GAS7: variants seen among roughly 807,000 people sequenced by gnomAD.
GAS7 encodes the protein growth arrest-specific protein 7.
In GAS7, 28 loss-of-function variants were observed where a neutral mutation model predicts 71.1. The observed-to-expected ratio is 0.39, with a 90% CI of 0.29 to 0.54. The LOEUF is 0.54. Among genes scored for constraint, GAS7 ranks in the 20% least tolerant of loss-of-function variants. GAS7 has a pLI of 0.62. For missense variants in GAS7, 436 were observed against 627.8 expected (o/e 0.69, Z 3.27); for synonymous variants, 258 against 245.8 (o/e 1.05, Z -0.46).
intron 1 of GAS7, among the ~76,000 whole-genome samples, chr17:10,136,638 C>T (rs1024541602): frequency 7.9e-5 from 12 of 152,268 alleles, no homozygotes; most frequent in African/African-American, 2.4e-4. Context: ...CGCATCTGTC[C>T]GTCTGCCTCA....
At chr17:10,022,740 C>T (rs1332089592) in intron 1 of GAS7, among the ~76,000 whole-genome samples, 3 of 152,192 alleles carry the variant, frequency 2.0e-5, no homozygotes, top group South Asian at 2.1e-4. Flanking sequence ...TCACACAGTC[C>T]GTCTACGGCG....
At chr17:10,101,439 T>C (rs540867887) in intron 1 of GAS7, among the ~76,000 whole-genome samples, 1 of 152,236 alleles carries the variant, frequency 6.6e-6, no homozygotes, top group Non-Finnish European at 1.5e-5. Context: ...GTCATATCTA[T>C]TGTTAGAAGC....
At position 9,919,966 on chromosome 17, in the gene GAS7, A is replaced by G. The variant is rs1353600802; in HGVS notation, c.1139-261T>C. ...CCAAGGATTCAGGATGGTGGTTCTC[A>G]TTTTGTGTGTGTGTGTGTGTGTGTG... On this transcript the variant is annotated intron_variant, in intron 11 of 13. Coordinates refer to ENST00000432992, the MANE Select transcript of GAS7 (RefSeq NM_201433.2). The surrounding 1 kb of genome is among the most constrained non-coding windows in gnomAD (Gnocchi z 5.0). Among the ~76,000 whole-genome samples the G allele has an allele frequency of 2.1e-5, 2 of 94,540 alleles. 1 individual carries two copies. Among genetic ancestry groups the G allele is most frequent in the African/African-American group, 7.8e-5 (2 of 25,764 alleles). 62.0% of individuals were successfully genotyped at this position (94,540 alleles called of 152,430 possible). A position where few individuals can be genotyped will look rare whatever the true frequency, so the allele number is the denominator to read the frequency against.
chr17:10,043,714 A>G (rs138620670), intron 1 of GAS7, among the ~76,000 whole-genome samples: 6 of 152,324 alleles, frequency 3.9e-5, no homozygotes, highest in African/African-American at 1.4e-4. Flanking sequence ...CAGGAGTTCG[A>G]GACCAGCCTG....
chr17:9,915,119 C>T lies in GAS7; in HGVS notation c.*2109G>A, dbSNP rs2067548490. 1 of 230,882 alleles carries T rather than the reference C, an allele frequency of 4.3e-6. No homozygotes were observed. Among genetic ancestry groups the T allele is most frequent in the African/African-American group, 2.2e-5 (1 of 44,862 alleles). 14.3% of individuals were successfully genotyped at this position (230,882 alleles called of 1,614,324 possible). A position where few individuals can be genotyped will look rare whatever the true frequency, so the allele number is the denominator to read the frequency against. On this transcript the variant is annotated 3_prime_UTR_variant, in exon 14 of 14. Transcript: ENST00000432992. Reference sequence around the variant, plus strand: ...AGGGGATGAGGGGGGAAAGAGTGACCTCCAAAAATGGACTGGCCCAAACTG... The same window carrying T: ...AGGGGATGAGGGGGGAAAGAGTGACTTCCAAAAATGGACTGGCCCAAACTG...
At chr17:10,109,989 G>T (rs2073795163) in intron 1 of GAS7, among the ~76,000 whole-genome samples, 1 of 151,540 alleles carries the variant, frequency 6.6e-6, no homozygotes, top group Non-Finnish European at 1.5e-5. Context: ...GGGAGGTGGA[G>T]GTTGCAGTGA....
intron 8 of GAS7, among the ~76,000 whole-genome samples, chr17:9,937,684 C>T (rs777655644): frequency 2.0e-4 from 31 of 152,228 alleles, no homozygotes; most frequent in Admixed American, 4.6e-4. Flanking sequence ...TTGGCAAAAT[C>T]TCAGTCTCCT....
rs2068004515 is a variant in GAS7 at position 9,926,516 on chromosome 17, CT to C, written c.1014+124del. 5.9e-6 allele frequency: 6 copies of C among 1,018,928 alleles called. No individual in the cohort carries two copies. The highest frequency in any genetic ancestry group is 3.9e-5 in the Admixed American group (2 of 51,344). 63.1% of individuals were successfully genotyped at this position (1,018,928 alleles called of 1,614,324 possible). A position where few individuals can be genotyped will look rare whatever the true frequency, so the allele number is the denominator to read the frequency against. ...GTAGGCACGAGGCTTGGACATCCCC[CT>C]ATTCCCCTACCTGGGGACAAAGACT... On this transcript the variant is annotated intron_variant, in intron 10 of 13. Coordinates refer to ENST00000432992, the MANE Select transcript of GAS7 (RefSeq NM_201433.2). The surrounding 1 kb of genome is among the most constrained non-coding windows in gnomAD (Gnocchi z 5.0).
At chr17:9,928,194 G>A (rs2068082785) in intron 9 of GAS7, among the ~76,000 whole-genome samples, 2 of 151,756 alleles carry the variant, frequency 1.3e-5, no homozygotes, top group South Asian at 4.2e-4. Flanking sequence ...CTCACTGCAA[G>A]CCTCGCCTTC....
At chr17:10,189,942 A>G (rs2074485178) in intron 1 of GAS7, among the ~76,000 whole-genome samples, 1 of 147,302 alleles carries the variant, frequency 6.8e-6, no homozygotes, top group Admixed American at 6.8e-5. Flanking sequence ...CCATCTCCCA[A>G]AAAAAAAAAA....
Position 9,919,543 on chromosome 17 carries a change from A to G in GAS7, c.1218+83T>C, listed in dbSNP as rs183466074. ...ATCTCCAGGGTCACTCCACCCCATC[A>G]TCCCCGCGCCCACCAACAACCACCA... On this transcript the variant is annotated intron_variant, in intron 12 of 13. Transcript: ENST00000432992. This position sits in a 1 kb window ranked among gnomAD's most constrained non-coding sequence, Gnocchi z 5.0. 3.0e-4 allele frequency: 295 copies of G among 969,916 alleles called. 2 individuals are homozygous for G. The African/African-American group carries it at 4.2e-3, about 14-fold the overall frequency. 60.1% of individuals were successfully genotyped at this position (969,916 alleles called of 1,614,324 possible).
At chr17:10,155,161 C>T (rs1001643685) in intron 1 of GAS7, among the ~76,000 whole-genome samples, 4 of 151,958 alleles carry the variant, frequency 2.6e-5, no homozygotes, top group South Asian at 2.1e-4. Context: ...ATTACAGGTG[C>T]GTACCAACAC....
At position 10,177,551 on chromosome 17, in the gene GAS7, T is replaced by C. The variant is rs79042835; in HGVS notation, c.183+20657A>G. On this transcript the variant is annotated intron_variant, in intron 1 of 13. Coordinates refer to ENST00000432992, the MANE Select transcript of GAS7 (RefSeq NM_201433.2). ...TTAATGGAGACTGTGTCTGCTCCTA[T>C]GGAGGTGTTACCTTCTCACTGCTGC... 9.0e-3 allele frequency among the ~76,000 whole-genome samples: 1,373 copies of C among 152,222 alleles called. 20 individuals carry two copies. Among genetic ancestry groups the C allele is most frequent in the African/African-American group, 0.031 (1,270 of 41,530 alleles).
chr17:9,943,430 G>A (rs1428866468), intron 6 of GAS7, among the ~76,000 whole-genome samples, 194 bp from the exon 7 acceptor site: 1 of 152,090 alleles, frequency 6.6e-6, no homozygotes, highest in African/African-American at 2.4e-5. Context: ...GCTTTCTGAT[G>A]CTCAGGCTCT....
chr17:10,079,690 A>G (rs1015801894), intron 1 of GAS7, among the ~76,000 whole-genome samples: 1 of 152,158 alleles, frequency 6.6e-6, no homozygotes, highest in Non-Finnish European at 1.5e-5. Flanking sequence ...TATCTCCCTA[A>G]AATGTATAAA....
chr17:9,977,474 G>A (rs943970339), intron 3 of GAS7, among the ~76,000 whole-genome samples: 1 of 152,098 alleles, frequency 6.6e-6, no homozygotes, highest in Non-Finnish European at 1.5e-5. Flanking sequence ...CACACTGCAC[G>A]TTAAGCCCAG....
chr17:10,185,477 T>C (rs1019177440), intron 1 of GAS7, among the ~76,000 whole-genome samples: 24 of 152,162 alleles, frequency 1.6e-4, no homozygotes, highest in African/African-American at 5.6e-4. Context: ...CTGGGAAACT[T>C]AGAAAAATTC....
chr17:9,942,928 A>G (rs987474244), intron 7 of GAS7, among the ~76,000 whole-genome samples, 193 bp downstream of exon 7: 1 of 152,214 alleles, frequency 6.6e-6, no homozygotes, highest in African/African-American at 2.4e-5. Context: ...CAATATTTAA[A>G]AACACTATAT....
chr17:10,128,688 C>T (rs1338957768), intron 1 of GAS7, among the ~76,000 whole-genome samples: 4 of 149,714 alleles, frequency 2.7e-5, no homozygotes, highest in East Asian at 2.0e-4. Context: ...GGCGTGATCT[C>T]GGCTCACTGC....
Sources: allele counts gnomAD v4.1 joint callset (sites outside exome capture counted in the v4.1 genomes callset), GRCh38; gene constraint gnomAD v4.1.1; non-coding constraint Gnocchi (gnomAD v3.1); transcripts MANE v1.5; gene names NCBI Gene and HGNC (gene_info 2026-07-23, HGNC 2026-07-21).